Variants in STXBP6 observed in about 807,000 individuals in gnomAD.
STXBP6 encodes the protein syntaxin-binding protein 6.
Under a neutral mutation model 26.9 loss-of-function variants are expected in STXBP6, and 21 were observed. That is an observed-to-expected ratio of 0.78 (90% confidence interval 0.55 to 1.12). The LOEUF (loss-of-function observed/expected upper bound fraction) is 1.12. Among genes scored for constraint, STXBP6 ranks in the 50% most tolerant of loss-of-function variants. The pLI is 0.00. For missense variants in STXBP6, 232 were observed against 257.9 expected (o/e 0.90, Z 0.69); for synonymous variants, 97 against 92.6 (o/e 1.05, Z -0.27).
intron 3 of STXBP6, 73 bp downstream of exon 3, chr14:24,856,954 C>A: frequency 1.3e-6 from 2 of 1,537,192 alleles, no homozygotes; most frequent in Non-Finnish European, 8.8e-7. Flanking sequence ...ACCACCACTA[C>A]CACTACCAAG....
intron 1 of STXBP6, among the ~76,000 whole-genome samples, chr14:24,998,468 A>G (rs1011611869): frequency 6.6e-6 from 1 of 152,234 alleles, no homozygotes; most frequent in African/African-American, 2.4e-5. Context: ...GCCCACTGAT[A>G]GCTGGAGAAA....
intron 2 of STXBP6, among the ~76,000 whole-genome samples, chr14:24,889,421 G>C (rs533151639): frequency 3.6e-5 from 4 of 112,396 alleles, no homozygotes; most frequent in South Asian, 3.7e-4. Flanking sequence ...GTTGTGGGGT[G>C]GGGGGAGGGG....
chr14:25,007,057 T>C (rs1435762492), intron 1 of STXBP6, among the ~76,000 whole-genome samples: 1 of 152,238 alleles, frequency 6.6e-6, no homozygotes, highest in Admixed American at 6.5e-5. Flanking sequence ...TAGACTTTCA[T>C]GGTCTATCTC....
intron 2 of STXBP6, among the ~76,000 whole-genome samples, chr14:24,927,874 T>C (rs1951800): frequency 0.096 from 14,575 of 152,186 alleles, 765 homozygotes; most frequent in East Asian, 0.17. Flanking sequence ...TCTTTTTTTT[T>C]CCTCTAGTTC....
At chr14:24,859,111 G>T (rs2069443923) in intron 2 of STXBP6, among the ~76,000 whole-genome samples, 1 of 152,152 alleles carries the variant, frequency 6.6e-6, no homozygotes, top group Non-Finnish European at 1.5e-5. Context: ...TCTAAGGAAG[G>T]TAAGTTCCAT....
chr14:24,995,432 T>G (rs1278166067), intron 1 of STXBP6, among the ~76,000 whole-genome samples: 2 of 114,908 alleles, frequency 1.7e-5, no homozygotes, highest in Admixed American at 8.6e-5. Context: ...TCAATAATAG[T>G]TTTTTTTTTG....
chr14:24,927,871 T>A (rs2072235037), intron 2 of STXBP6, among the ~76,000 whole-genome samples: 1 of 152,222 alleles, frequency 6.6e-6, no homozygotes, highest in South Asian at 2.1e-4. Context: ...AACTCTTTTT[T>A]TTTCCTCTAG....
At chr14:24,924,938 C>T (rs1200341733) in intron 2 of STXBP6, among the ~76,000 whole-genome samples, 1 of 152,170 alleles carries the variant, frequency 6.6e-6, no homozygotes, top group Non-Finnish European at 1.5e-5. Flanking sequence ...AATGTCATAG[C>T]TGAAAATCAG....
chr14:25,028,765 G>C (rs2075395902), intron 1 of STXBP6, among the ~76,000 whole-genome samples: 1 of 152,152 alleles, frequency 6.6e-6, no homozygotes, highest in Non-Finnish European at 1.5e-5. Context: ...TCTAAAAGGA[G>C]TCACCATTCT....
intron 2 of STXBP6, among the ~76,000 whole-genome samples, chr14:24,893,718 A>T (rs568842216): frequency 3.3e-4 from 50 of 152,334 alleles, no homozygotes; most frequent in South Asian, 1.0e-3. Flanking sequence ...TTGTCTTCAA[A>T]TGGCAATAAA....
intron 2 of STXBP6, among the ~76,000 whole-genome samples, chr14:24,937,802 C>T (rs571330214): frequency 2.8e-4 from 43 of 152,248 alleles, no homozygotes; most frequent in African/African-American, 8.9e-4. Context: ...TGTCCATGTG[C>T]ATGCAGGGAT....
At chr14:24,856,866 C>T (rs1359671837) in intron 3 of STXBP6, among the ~76,000 whole-genome samples, 161 bp downstream of exon 3, 8 of 151,986 alleles carry the variant, frequency 5.3e-5, no homozygotes, top group Admixed American at 5.2e-4. Context: ...TATAATTTCC[C>T]ATAAGAAAGG....
chr14:25,022,852 C>G (rs530112252), intron 1 of STXBP6, among the ~76,000 whole-genome samples: 4 of 152,146 alleles, frequency 2.6e-5, no homozygotes, highest in Non-Finnish European at 5.9e-5. Context: ...TTGGATGCCT[C>G]AAACTCATCT....
At chr14:25,019,578 G>A (rs1487127898) in intron 1 of STXBP6, among the ~76,000 whole-genome samples, 1 of 152,216 alleles carries the variant, frequency 6.6e-6, no homozygotes, top group South Asian at 2.1e-4. Flanking sequence ...ACTGCTGTAA[G>A]CTATAAGACA....
chr14:24,993,583 C>G (rs1001120955), intron 1 of STXBP6, among the ~76,000 whole-genome samples: 1 of 152,180 alleles, frequency 6.6e-6, no homozygotes, highest in African/African-American at 2.4e-5. Flanking sequence ...TTCTGAAATG[C>G]CTGGGGTAGA....
Position 25,049,137 on chromosome 14 carries a change from G to C in STXBP6, c.-33+741C>G, listed in dbSNP as rs993748524. On this transcript the variant is annotated intron_variant, in intron 1 of 5. Transcript: ENST00000323944. This position sits in a 1 kb window ranked among gnomAD's most constrained non-coding sequence, Gnocchi z 5.6. ...GTCCTGTCCTCTGTGAAGATGAACG[G>C]GGTGGGGTGGTGAGGTGGCGGGGTG... The C allele has an allele frequency of 3.1e-6, 3 of 982,834 alleles. No individual in the cohort carries two copies. Among genetic ancestry groups the C allele is most frequent in the Middle Eastern group, 5.2e-4 (1 of 1,934 alleles). The allele number at this position is 982,834 out of a possible 1,614,324, so 60.9% of individuals were successfully genotyped here. A position where few individuals can be genotyped will look rare whatever the true frequency, so the allele number is the denominator to read the frequency against.
intron 2 of STXBP6, among the ~76,000 whole-genome samples, chr14:24,918,452 CCACA>C (rs55810129): frequency 0.073 from 9,744 of 133,286 alleles, 374 homozygotes; most frequent in Non-Finnish European, 0.089. Context: ...CACACCCCCA[CCACA>C]CACACACACA....
At chr14:25,031,197 C>T (rs530060984) in intron 1 of STXBP6, among the ~76,000 whole-genome samples, 7 of 151,948 alleles carry the variant, frequency 4.6e-5, no homozygotes, top group Non-Finnish European at 8.8e-5. Context: ...GCTTTGGTTA[C>T]GAAAAAGCAA....
intron 4 of STXBP6, among the ~76,000 whole-genome samples, chr14:24,847,837 A>G (rs1476067088): frequency 6.6e-6 from 1 of 152,180 alleles, no homozygotes; most frequent in Non-Finnish European, 1.5e-5. Flanking sequence ...GTTACTTGAT[A>G]TATTTTAAAC....
Sources: gnomAD v4.1 joint callset for allele counts (sites outside exome capture counted in the v4.1 genomes callset) on GRCh38, gnomAD v4.1.1 for gene constraint, Gnocchi (gnomAD v3.1) non-coding constraint, MANE v1.5 for transcripts, NCBI Gene and HGNC (gene_info 2026-07-23, HGNC 2026-07-21) for gene names.